Variants in EPB41L3 observed in about 807,000 individuals in gnomAD.
EPB41L3 encodes the protein erythrocyte membrane protein band 4.1 like 3, also known as band 4.1-like protein 3.
EPB41L3 carries 57 observed loss-of-function variants against 127.1 expected under a neutral mutation model. That is an observed-to-expected ratio of 0.45 (90% CI 0.36 to 0.56). The LOEUF (loss-of-function observed/expected upper bound fraction) is 0.56, where lower values mean the gene tolerates loss of function less well. EPB41L3 is among the 20% of genes least tolerant of loss of function. The pLI is 0.00. For missense variants in EPB41L3, 1,273 were observed against 1,372.2 expected, an observed-to-expected ratio of 0.93 and a Z score of 1.14; for synonymous variants, 572 against 549.5, an observed-to-expected ratio of 1.04 and a Z score of -0.57.
chr18:5,472,121 A>C (rs781625782), intron 3 of EPB41L3, among the ~76,000 whole-genome samples: 1 of 152,182 alleles, frequency 6.6e-6, no homozygotes, highest in South Asian at 2.1e-4. Flanking sequence ...GGACTATTAA[A>C]GTTTATTACT....
chr18:5,600,674 C>G (rs1020053244), intron 3 of EPB41L3, among the ~76,000 whole-genome samples: 3 of 152,146 alleles, frequency 2.0e-5, no homozygotes, highest in African/African-American at 7.2e-5. Flanking sequence ...CTCATCCTTT[C>G]GTTTTAAAAA....
intron 3 of EPB41L3, among the ~76,000 whole-genome samples, chr18:5,477,781 A>G (rs1253140489): frequency 1.3e-5 from 2 of 152,220 alleles, no homozygotes; most frequent in Admixed American, 1.3e-4. Flanking sequence ...TCTTTTAAAA[A>G]TTACTCATTC....
chr18:5,402,219 G>A (rs1259130020), intron 16 of EPB41L3, among the ~76,000 whole-genome samples: 1 of 149,340 alleles, frequency 6.7e-6, no homozygotes, highest in African/African-American at 2.4e-5. Flanking sequence ...GCATTTTGGA[G>A]GACGGTATTG....
chr18:5,519,456 C>A (rs557439294), intron 1 of EPB41L3, among the ~76,000 whole-genome samples: 3 of 152,232 alleles, frequency 2.0e-5, no homozygotes, highest in African/African-American at 7.2e-5. Context: ...TCAGTTATCA[C>A]CAAGACCCAA....
At chr18:5,410,477 A>G in intron 14 of EPB41L3, 89 bp downstream of exon 14, 1 of 900,500 alleles carries the variant, frequency 1.1e-6, no homozygotes, top group Non-Finnish European at 1.9e-6. Context: ...CCATTACAAC[A>G]GCTCATATGT....
intron 3 of EPB41L3, among the ~76,000 whole-genome samples, chr18:5,452,782 TTGTGTG>T (rs72378439): frequency 0.41 from 61,391 of 150,780 alleles, 12,432 homozygotes; most frequent in East Asian, 0.47. Context: ...TAAAAATTTG[TTGTGTG>T]TGTGTGTGTG....
intron 3 of EPB41L3, among the ~76,000 whole-genome samples, chr18:5,607,915 A>G (rs1350255948): frequency 6.6e-6 from 1 of 152,198 alleles, no homozygotes; most frequent in Admixed American, 6.5e-5. Context: ...GGAAGAGTCC[A>G]AAAGTATGTT....
intron 1 of EPB41L3, among the ~76,000 whole-genome samples, chr18:5,537,973 A>G (rs2093619227): frequency 6.6e-6 from 1 of 152,234 alleles, no homozygotes; most frequent in Admixed American, 6.5e-5. Context: ...AAAAAATTGC[A>G]TAGCCAAATG....
At chr18:5,435,376 T>C (rs1310277270) in intron 6 of EPB41L3, among the ~76,000 whole-genome samples, 1 of 152,216 alleles carries the variant, frequency 6.6e-6, no homozygotes, top group African/African-American at 2.4e-5. Flanking sequence ...CAACTTCCCG[T>C]CCTGCACGCG....
chr18:5,533,457 ACC>A (rs1598741655), intron 1 of EPB41L3, among the ~76,000 whole-genome samples: 2 of 152,368 alleles, frequency 1.3e-5, no homozygotes, highest in East Asian at 3.9e-4. Flanking sequence ...CTGACCATTT[ACC>A]ATTGATATGA....
In EPB41L3 at chr18:5,395,704, C is replaced by G. The variant is rs145834920; in HGVS notation, c.2977G>C (p.Asp993His). The change falls in exon 20 of 23, where the codon GAT becomes CAT. Residue 993 changes from aspartate to histidine, a missense_variant. By Grantham distance (81) the Asp-to-His change is moderately conservative. Around this residue, in one of 3 missense-constraint regions of EPB41L3, gnomAD observed 765 missense variants for 782.9 expected, o/e 0.98. Coordinates refer to ENST00000341928, the MANE Select transcript of EPB41L3 (RefSeq NM_012307.5). ...KTITYESSQV[D>H]PGTDLEPGVL... The stretch of plus-strand genomic sequence containing the variant: ...CCTGGCTCCAGATCTGTGCCTGGAT[C>G]GACCTAAAGCAGCAGAGGCATAGAC... 1 of 1,613,946 alleles carries G rather than the reference C, an allele frequency of 6.2e-7. No individual in the cohort carries two copies. The highest frequency in any genetic ancestry group is 1.1e-5 in the South Asian group (1 of 91,060).
At chr18:5,541,073 A>AAG in intron 1 of EPB41L3, among the ~76,000 whole-genome samples, 2 of 128,586 alleles carry the variant, frequency 1.6e-5, no homozygotes, top group Admixed American at 8.3e-5. Flanking sequence ...CGACAGAGCG[A>AAG]GACTCCGTCT....
At chr18:5,449,072 A>G (rs2081928299) in intron 3 of EPB41L3, among the ~76,000 whole-genome samples, 1 of 152,230 alleles carries the variant, frequency 6.6e-6, no homozygotes, top group Non-Finnish European at 1.5e-5. Context: ...ACTGGCTGAA[A>G]ATATTTGCAA....
At chr18:5,622,011 C>CTGT (rs2094868363) in intron 1 of EPB41L3, among the ~76,000 whole-genome samples, 1 of 151,770 alleles carries the variant, frequency 6.6e-6, no homozygotes, top group South Asian at 2.1e-4. Flanking sequence ...AAACATTTTG[C>CTGT]AGTAGGATTA....
chr18:5,452,324 T>C (rs937149022), intron 3 of EPB41L3, among the ~76,000 whole-genome samples: 2 of 152,098 alleles, frequency 1.3e-5, no homozygotes, highest in Admixed American at 6.5e-5. Context: ...TAGGCCAATA[T>C]TCATAGTTGC....
At chr18:5,585,159 A>G (rs1719934) in intron 3 of EPB41L3, among the ~76,000 whole-genome samples, 56,987 of 152,060 alleles carry the variant, frequency 0.37, 11,782 homozygotes, top group Non-Finnish European at 0.47. Flanking sequence ...AGTTCTTCCA[A>G]TTTTTCTGAT....
At chr18:5,503,950 G>A (rs1310249844) in intron 1 of EPB41L3, among the ~76,000 whole-genome samples, 2 of 152,088 alleles carry the variant, frequency 1.3e-5, no homozygotes, top group African/African-American at 4.8e-5. Flanking sequence ...AGAATATTAG[G>A]TAATCATATG....
In EPB41L3 at chr18:5,396,271, A is replaced by C; in HGVS notation, c.2903T>G (p.Leu968Arg). 6.2e-7 allele frequency: 1 copy of C among 1,614,204 alleles called. No homozygotes were observed. The highest frequency in any genetic ancestry group is 8.5e-7 in the Non-Finnish European group (1 of 1,180,036). Residue 968 changes from leucine (L) to arginine (R), a missense_variant, in exon 19 of 23, where the codon CTA becomes CGA. Coordinates refer to ENST00000341928, the MANE Select transcript of EPB41L3 (RefSeq NM_012307.5). Reference protein sequence around the residue: ...FGSVSPGGVKLEISTKEVPVV... With the variant: ...FGSVSPGGVKREISTKEVPVV... ...TGGCACTTCCTTCGTGGAAATTTCT[A>C]GCTTTACTCCTCCCGGTGAAACACT...
chr18:5,579,479 G>A (rs1191500693), intron 3 of EPB41L3, among the ~76,000 whole-genome samples: 3 of 152,090 alleles, frequency 2.0e-5, no homozygotes, highest in Admixed American at 6.6e-5. Flanking sequence ...TACCTCTGAG[G>A]TCCTAAAAAC....
Sources: gnomAD v4.1 joint callset for allele counts (sites outside exome capture counted in the v4.1 genomes callset) on GRCh38, gnomAD v4.1.1 for gene constraint, gnomAD v4.1.1 regional missense constraint, MANE v1.5 for transcripts, NCBI Gene and HGNC (gene_info 2026-07-23, HGNC 2026-07-21) for gene names.